Variants in CCDC178 observed in about 807,000 individuals in gnomAD.
CCDC178 encodes the protein coiled-coil domain-containing protein 178.
A neutral mutation model predicts 117.4 loss-of-function variants in CCDC178; 126 were observed. The observed-to-expected ratio is 1.07, with a 90% confidence interval of 0.93 to 1.24. The LOEUF (loss-of-function observed/expected upper bound fraction) is 1.24. CCDC178 is among the 50% of genes most tolerant of loss of function. The pLI is 0.00. For synonymous variants in CCDC178, 283 were observed against 313.4 expected (o/e 0.90, Z 1.02); for missense variants, 1,030 against 986.9 (o/e 1.04, Z -0.59).
intron 21 of CCDC178, among the ~76,000 whole-genome samples, chr18:33,034,385 T>C (rs145846108): frequency 1.3e-5 from 2 of 152,186 alleles, no homozygotes; most frequent in East Asian, 1.9e-4. Flanking sequence ...AAAAGCTTTT[T>C]ATGTAAACTA....
At chr18:33,105,846 T>C (rs1290180659) in intron 20 of CCDC178, among the ~76,000 whole-genome samples, 2 of 151,552 alleles carry the variant, frequency 1.3e-5, no homozygotes. Context: ...TGCTAAGCTG[T>C]GTTCTCACAA....
intron 21 of CCDC178, among the ~76,000 whole-genome samples, chr18:32,992,247 A>T (rs9954399): frequency 0.096 from 14,571 of 152,140 alleles, 1,033 homozygotes; most frequent in African/African-American, 0.19. Flanking sequence ...TCATTACATG[A>T]TATGTGGGAT....
chr18:33,388,462 CA>C (rs1456981485), intron 5 of CCDC178, among the ~76,000 whole-genome samples: 1 of 151,192 alleles, frequency 6.6e-6, no homozygotes, highest in Non-Finnish European at 1.5e-5. Context: ...GGAATCAACC[CA>C]AATGCCCATC....
At chr18:33,330,680 G>A (rs1051608798) in intron 10 of CCDC178, among the ~76,000 whole-genome samples, 1 of 152,080 alleles carries the variant, frequency 6.6e-6, no homozygotes, top group Non-Finnish European at 1.5e-5. Flanking sequence ...TATTTTGGAG[G>A]TACAAGTCCA....
intron 20 of CCDC178, among the ~76,000 whole-genome samples, chr18:33,146,476 C>T (rs1373460176): frequency 6.6e-6 from 1 of 152,248 alleles, no homozygotes; most frequent in East Asian, 1.9e-4. Flanking sequence ...GCAACATGGG[C>T]AGACCTTGTT....
chr18:33,030,686 G>T (rs1410433762), intron 21 of CCDC178, among the ~76,000 whole-genome samples: 2 of 151,934 alleles, frequency 1.3e-5, no homozygotes, highest in Admixed American at 1.3e-4. Context: ...GATAGATGTA[G>T]ATATAGATAT....
rs528674349 is a variant in CCDC178, at chr18:33,248,521, G to T, written c.1410-3093C>A. Among the ~76,000 whole-genome samples, 8 of 150,474 alleles carry T rather than the reference G, an allele frequency of 5.3e-5. No individual in the cohort carries two copies. The East Asian group carries it at 1.6e-3, about 30-fold the overall frequency. On this transcript the variant is annotated intron_variant, in intron 14 of 22. Coordinates refer to ENST00000383096, the MANE Select transcript of CCDC178 (RefSeq NM_001105528.4). ...CTATGAGTGAGAACATGTGGTGTTT[G>T]GTTTTTTGTCCTTGTGATAGTTTGC...
chr18:33,267,231 G>C lies in CCDC178; in HGVS notation c.1243C>G (p.Leu415Val). The C allele has an allele frequency of 6.2e-7, 1 of 1,602,334 alleles. No homozygotes were observed. The highest frequency in any genetic ancestry group is 8.5e-7 in the Non-Finnish European group (1 of 1,176,460). ...GCATAAAAATCATTAACTGCTTCCA[G>C]ATACTGATTTTCATGACTTTTTTGC... Reference protein sequence around the residue: ...WKQKSHENQYLEAVNDFYAAK... With the variant: ...WKQKSHENQYVEAVNDFYAAK... The change falls in exon 13 of 23, where the codon CTG becomes GTG. Residue 415 changes from leucine to valine, a missense_variant. Leu to Val is a conservative substitution (Grantham distance 32). Coordinates refer to ENST00000383096, the MANE Select transcript of CCDC178 (RefSeq NM_001105528.4).
At chr18:33,329,820 T>A (rs543261857) in intron 10 of CCDC178, among the ~76,000 whole-genome samples, 1 of 152,084 alleles carries the variant, frequency 6.6e-6, no homozygotes, top group Non-Finnish European at 1.5e-5. Flanking sequence ...TTAGGAAGTG[T>A]TCCTTCCTCT....
chr18:33,148,259 C>CA (rs1666468438), intron 20 of CCDC178, among the ~76,000 whole-genome samples: 2 of 152,096 alleles, frequency 1.3e-5, no homozygotes. Flanking sequence ...CCGTCTCCAC[C>CA]AAAAAAATAT....
intron 15 of CCDC178, among the ~76,000 whole-genome samples, chr18:33,233,701 T>C (rs2059394307): frequency 6.6e-6 from 1 of 152,114 alleles, no homozygotes; most frequent in African/African-American, 2.4e-5. Context: ...GAATGTTTTA[T>C]ACACAATATT....
chr18:32,943,260 A>T (rs1440960387), intron 22 of CCDC178, among the ~76,000 whole-genome samples: 6 of 152,332 alleles, frequency 3.9e-5, no homozygotes, highest in South Asian at 4.1e-4. Context: ...CTTATCCTAA[A>T]CCAATATACT....
chr18:32,955,112 GCTTCTA>G (rs2054567909), intron 22 of CCDC178, among the ~76,000 whole-genome samples: 1 of 152,026 alleles, frequency 6.6e-6, no homozygotes, highest in Admixed American at 6.6e-5. Context: ...CCCCATCCAA[GCTTCTA>G]CTTTCCACAT....
At chr18:33,024,310 G>A (rs1249252125) in intron 21 of CCDC178, among the ~76,000 whole-genome samples, 2 of 152,124 alleles carry the variant, frequency 1.3e-5, no homozygotes, top group Non-Finnish European at 2.9e-5. Flanking sequence ...AAGGATCAAG[G>A]TGCTGGCTGG....
At chr18:33,234,661 C>T (rs2059407133) in intron 15 of CCDC178, among the ~76,000 whole-genome samples, 1 of 151,880 alleles carries the variant, frequency 6.6e-6, no homozygotes, top group Admixed American at 6.6e-5. Flanking sequence ...TTTTTTTGAG[C>T]ATATTGACAA....
chr18:33,390,676 A>G (rs1411911461), intron 4 of CCDC178, among the ~76,000 whole-genome samples: 1 of 152,076 alleles, frequency 6.6e-6, no homozygotes, highest in Non-Finnish European at 1.5e-5. Flanking sequence ...TGCCTATAGT[A>G]GGTGAGGAAC....
At chr18:33,393,313 T>C (rs895184591) in intron 4 of CCDC178, among the ~76,000 whole-genome samples, 1 of 152,156 alleles carries the variant, frequency 6.6e-6, no homozygotes, top group African/African-American at 2.4e-5. Flanking sequence ...GTGTGTATGG[T>C]GTATTTATAA....
In CCDC178 at chr18:33,368,480, CT is replaced by C. The variant is rs1001450802; in HGVS notation, c.348+1569del. The stretch of plus-strand genomic sequence containing the variant: ...TCAATATATTTACATGAGAATAGCT[CT>C]TTTTTTCAGTTTTTTTAAAGATAAG... On this transcript the variant is annotated intron_variant, in intron 6 of 22. Coordinates refer to ENST00000383096, the MANE Select transcript of CCDC178 (RefSeq NM_001105528.4). Among the ~76,000 whole-genome samples the C allele has an allele frequency of 4.4e-3, 669 of 151,854 alleles. 5 individuals carry two copies. The highest frequency in any genetic ancestry group is 0.016 in the African/African-American group (652 of 41,466).
chr18:33,072,317 T>C (rs2057123441), intron 21 of CCDC178, among the ~76,000 whole-genome samples: 1 of 152,112 alleles, frequency 6.6e-6, no homozygotes, highest in Non-Finnish European at 1.5e-5. Flanking sequence ...CTCTGAAATC[T>C]CTTAGGAATA....
Sources: allele counts gnomAD v4.1 joint callset (sites outside exome capture counted in the v4.1 genomes callset), GRCh38; gene constraint gnomAD v4.1.1; transcripts MANE v1.5; gene names NCBI Gene and HGNC (gene_info 2026-07-23, HGNC 2026-07-21).